The following DICER1 variants were observed in gnomAD, a reference collection of about 807,000 sequenced individuals.
The protein encoded by DICER1 is dicer 1, ribonuclease III.
In DICER1, 43 loss-of-function variants were observed where a neutral mutation model predicts 194.1. The ratio of observed to expected loss-of-function variants is 0.22; its 90% CI spans 0.17 to 0.29. The LOEUF (loss-of-function observed/expected upper bound fraction) is 0.29. DICER1 is among the 10% of genes least tolerant of loss of function. DICER1 has a pLI of 1.00. For synonymous variants in DICER1, 832 were observed against 820.5 expected, an observed-to-expected ratio of 1.01 and a Z score of -0.24; for missense variants, 1,608 against 2,317.0, an observed-to-expected ratio of 0.69 and a Z score of 6.28.
Position 95,124,066 on chromosome 14 carries a change from C to A in DICER1, c.1376+130G>T. 1.4e-6 allele frequency: 1 copy of A among 698,906 alleles called. No homozygotes were observed. 43.3% of individuals were successfully genotyped at this position (698,906 alleles called of 1,614,324 possible). ...ATCCCAGGACAGCATGACGTATCAG[C>A]AATGATGGCGCCAAGTCAAGGACAC... On this transcript the variant is annotated intron_variant, in intron 8 of 26. Coordinates refer to ENST00000343455, the MANE Select transcript of DICER1 (RefSeq NM_177438.3). This position sits in a 1 kb window ranked among gnomAD's most constrained non-coding sequence, Gnocchi z 4.5.
intron 1 of DICER1, 26 bp from the exon 2 acceptor site, chr14:95,133,529 T>C (rs1894137258): frequency 6.7e-7 from 1 of 1,485,302 alleles, no homozygotes. Flanking sequence ...AGAATACCAT[T>C]ACACAATCAT....
At chr14:95,136,052 C>A (rs1894339784) in intron 1 of DICER1, among the ~76,000 whole-genome samples, 1 of 150,516 alleles carries the variant, frequency 6.6e-6, no homozygotes, top group Non-Finnish European at 1.5e-5. Flanking sequence ...GTAACTTATT[C>A]TCAAATGGTA....
chr14:95,093,860 T>C, intron 24 of DICER1, 28 bp downstream of exon 24: 2 of 1,613,806 alleles, frequency 1.2e-6, no homozygotes, highest in Non-Finnish European at 1.7e-6. Flanking sequence ...AGACCACTTT[T>C]TTCAACATCG....
chr14:95,102,135 T>G (rs913544317), intron 21 of DICER1, among the ~76,000 whole-genome samples: 3 of 152,206 alleles, frequency 2.0e-5, no homozygotes, highest in Non-Finnish European at 4.4e-5. Flanking sequence ...TATACGGTTA[T>G]CTTTTAGAGT....
At chr14:95,118,590 A>G (rs928125655) in intron 8 of DICER1, among the ~76,000 whole-genome samples, 7 of 152,214 alleles carry the variant, frequency 4.6e-5, no homozygotes, top group African/African-American at 1.7e-4. Flanking sequence ...GCAAAGAGCT[A>G]CGGGACGGGA....
At chr14:95,156,909 G>C (rs1447449614) in intron 1 of DICER1, among the ~76,000 whole-genome samples, 1 of 151,998 alleles carries the variant, frequency 6.6e-6, no homozygotes, top group Non-Finnish European at 1.5e-5. Context: ...CCCAGGCCTC[G>C]CCAGGCCGGG....
chr14:95,116,798 T>G, intron 9 of DICER1, 103 bp from the exon 10 acceptor site: 1 of 1,180,600 alleles, frequency 8.5e-7, no homozygotes, highest in Non-Finnish European at 1.3e-6. Context: ...CTGACACACA[T>G]GCTCTTGGGC....
intron 14 of DICER1, among the ~76,000 whole-genome samples, chr14:95,110,953 T>C (rs538656502): frequency 2.0e-5 from 3 of 152,268 alleles, no homozygotes; most frequent in Non-Finnish European, 2.9e-5. Context: ...ATCACACAAA[T>C]CCTCTTCTGT....
rs190901404 is a variant in DICER1, at chr14:95,145,080, T to C, written c.-45-11577A>G. ...CACAATTTATCACTCTTTGTTAAGA[T>C]GGTATATGAGCCTCTAAATCTAAGT... On this transcript the variant is annotated intron_variant, in intron 1 of 26. Transcript: ENST00000343455. Among the ~76,000 whole-genome samples, 36 of 152,356 alleles carry C rather than the reference T, an allele frequency of 2.4e-4. No homozygotes were observed. The South Asian group carries it at 5.0e-3, about 21-fold the overall frequency.
chr14:95,091,835 G>C (rs1392078763), intron 24 of DICER1, among the ~76,000 whole-genome samples: 1 of 152,132 alleles, frequency 6.6e-6, no homozygotes. Context: ...TAGGGAAATA[G>C]GGAAATTATA....
intron 11 of DICER1, among the ~76,000 whole-genome samples, chr14:95,114,561 A>T (rs907600183): frequency 3.9e-5 from 6 of 152,254 alleles, no homozygotes; most frequent in African/African-American, 1.4e-4. Context: ...AATTTGGGCC[A>T]GAAATATCAA....
rs1566810729 is a variant in DICER1, at chr14:95,129,591, T to C, written c.615A>G (p.Leu205=). The part of the protein sequence containing the change: ...NCPSCPRILG[L]TASILNGKCD... The stretch of plus-strand genomic sequence containing the variant: ...ATTTCCCATTTAAAATGGAAGCAGT[T>C]AGTCCCAAAATGCGAGGACATGATG... The change falls in exon 6 of 27, where the codon CTA becomes CTG. Residue 205 remains leucine, a synonymous_variant. Coordinates refer to ENST00000343455, the MANE Select transcript of DICER1 (RefSeq NM_177438.3). 6.2e-7 allele frequency: 1 copy of C among 1,613,490 alleles called. No individual in the cohort carries two copies. Among genetic ancestry groups the C allele is most frequent in the African/African-American group, 1.3e-5 (1 of 75,030 alleles).
chr14:95,101,225 G>A (rs143546147), intron 21 of DICER1, among the ~76,000 whole-genome samples: 114 of 152,326 alleles, frequency 7.5e-4, no homozygotes, highest in African/African-American at 2.7e-3. Context: ...GCTGCAAGGG[G>A]CTTCCACCTG....
intron 23 of DICER1, 122 bp downstream of exon 23, chr14:95,095,703 C>T: frequency 9.5e-7 from 1 of 1,048,002 alleles, no homozygotes; most frequent in Non-Finnish European, 1.4e-6. Flanking sequence ...TTCCCCGCCC[C>T]ATCCCTTGAA....
At chr14:95,115,590 C>T in intron 11 of DICER1, 77 bp downstream of exon 11, 1 of 1,517,842 alleles carries the variant, frequency 6.6e-7, no homozygotes. Flanking sequence ...AAAATGTCAA[C>T]AATACAAAAT....
chr14:95,155,102 G>A (rs756727775), intron 1 of DICER1, among the ~76,000 whole-genome samples: 1 of 152,122 alleles, frequency 6.6e-6, no homozygotes, highest in Non-Finnish European at 1.5e-5. Flanking sequence ...TCCTAACTTG[G>A]GGTAATAATC....
intron 1 of DICER1, among the ~76,000 whole-genome samples, chr14:95,134,745 C>T (rs879810076): frequency 2.0e-5 from 3 of 152,290 alleles, no homozygotes; most frequent in African/African-American, 7.2e-5. Flanking sequence ...ACCCCACTGC[C>T]GGAGCTGAGA....
In DICER1 at chr14:95,116,590, A is replaced by G; in HGVS notation, c.1615T>C (p.Leu539=). 1 of 1,614,136 alleles carries G rather than the reference A, an allele frequency of 6.2e-7. No individual in the cohort carries two copies. The highest frequency in any genetic ancestry group is 8.5e-7 in the Non-Finnish European group (1 of 1,180,004). The part of the protein sequence containing the change: ...PKCNLVVRFD[L]PTEYRSYVQS... ...ACATAGGATCGATATTCTGTGGGCA[A>G]ATCAAAACGAACCACCAAGTTGCAT... Residue 539 remains leucine (L), a synonymous_variant, in exon 10 of 27, where the codon TTG becomes CTG. Coordinates refer to ENST00000343455, the MANE Select transcript of DICER1 (RefSeq NM_177438.3).
chr14:95,099,653 T>C, intron 22 of DICER1, 127 bp downstream of exon 22: 1 of 1,269,824 alleles, frequency 7.9e-7, no homozygotes, highest in East Asian at 2.5e-5. Flanking sequence ...TCTACTCTAT[T>C]ATAAACATAC....
Sources: allele counts gnomAD v4.1 joint callset (sites outside exome capture counted in the v4.1 genomes callset), GRCh38; gene constraint gnomAD v4.1.1; non-coding constraint Gnocchi (gnomAD v3.1); transcripts MANE v1.5; gene names NCBI Gene and HGNC (gene_info 2026-07-23, HGNC 2026-07-21).